The following RIMBP2 variants were observed in gnomAD, a reference collection of about 807,000 sequenced individuals.
The protein encoded by RIMBP2 is RIMS binding protein 2.
In RIMBP2, 48 loss-of-function variants were observed where a neutral mutation model predicts 118.6. That is an observed-to-expected ratio of 0.40 (90% confidence interval 0.32 to 0.51). The LOEUF is 0.51. Ranked by LOEUF, RIMBP2 falls within the 20% of genes least tolerant of loss-of-function variation. The pLI is 0.41. For missense variants in RIMBP2, 1,551 were observed against 1,768.3 expected, an observed-to-expected ratio of 0.88 and a Z score of 2.20; for synonymous variants, 762 against 742.9, an observed-to-expected ratio of 1.03 and a Z score of -0.42.
chr12:130,501,362 T>C (rs1310709059), intron 4 of RIMBP2, among the ~76,000 whole-genome samples: 1 of 152,156 alleles, frequency 6.6e-6, no homozygotes, highest in Non-Finnish European at 1.5e-5. Context: ...TCAATTCCAG[T>C]GGCATCTGAC....
intron 14 of RIMBP2, 166 bp from the exon 15 acceptor site, chr12:130,428,503 G>A: frequency 1.6e-6 from 1 of 618,226 alleles, no homozygotes; most frequent in South Asian, 2.4e-5. Flanking sequence ...TGAGGCTGGA[G>A]AGAGGACACA....
rs774580727 is a variant in RIMBP2 at position 130,442,536 on chromosome 12, G to A, written c.816C>T (p.Ser272=). 6.8e-5 allele frequency: 109 copies of A among 1,614,058 alleles called. No individual in the cohort carries two copies. Among genetic ancestry groups the A allele is most frequent in the African/African-American group, 8.0e-5 (6 of 74,916 alleles). The change falls in exon 11 of 23, where the codon TCC becomes TCT. Residue 272 remains serine, a synonymous_variant. Transcript: ENST00000690449. The surrounding 1 kb of genome is among the most constrained non-coding windows in gnomAD (Gnocchi z 6.9). ...TGTGCTCTCCCTCCAGGCCGATGCCGGAATGGTTGATGAAGTTCTGATCCT... is the reference window on the plus strand; with the variant it reads ...TGTGCTCTCCCTCCAGGCCGATGCCAGAATGGTTGATGAAGTTCTGATCCT... ...NEQDQNFINH[S]GIGLEGEHIL...
intron 17 of RIMBP2, among the ~76,000 whole-genome samples, chr12:130,415,016 A>C (rs1565997120): frequency 6.6e-6 from 1 of 152,170 alleles, no homozygotes. Flanking sequence ...CTATTCCAAA[A>C]AATTGAGGAG....
At chr12:130,604,995 A>T (rs559157516) in intron 2 of RIMBP2, among the ~76,000 whole-genome samples, 2 of 152,058 alleles carry the variant, frequency 1.3e-5, no homozygotes, top group Non-Finnish European at 2.9e-5. Flanking sequence ...AGTCCAGTAC[A>T]GTCACATCCT....
At chr12:130,454,899 C>G (rs867994453) in intron 7 of RIMBP2, among the ~76,000 whole-genome samples, 1 of 152,216 alleles carries the variant, frequency 6.6e-6, no homozygotes, top group Non-Finnish European at 1.5e-5. Context: ...TGGCTAGTGT[C>G]TGGAACTCAG....
chr12:130,497,301 C>T (rs947251061), intron 4 of RIMBP2, among the ~76,000 whole-genome samples: 3 of 152,228 alleles, frequency 2.0e-5, no homozygotes, highest in South Asian at 2.1e-4. Context: ...AAGCTTCTCA[C>T]CTGCCTTCTG....
Position 130,492,539 on chromosome 12 carries a change from G to T in RIMBP2, c.-3-13523C>A, listed in dbSNP as rs77495753. 5.1e-3 allele frequency among the ~76,000 whole-genome samples: 779 copies of T among 152,304 alleles called. 11 individuals carry two copies. The highest frequency in any genetic ancestry group is 0.018 in the African/African-American group (740 of 41,572). On this transcript the variant is annotated intron_variant, in intron 4 of 22. Transcript: ENST00000690449. ...TCCTCTGGCCCTGATGAATCCTAGA[G>T]ATGCAGGGGTGGCAACATTCATCCA...
chr12:130,449,160 G>A (rs2078784378), intron 9 of RIMBP2, among the ~76,000 whole-genome samples: 1 of 152,234 alleles, frequency 6.6e-6, no homozygotes, highest in Admixed American at 6.5e-5. Flanking sequence ...AGCTGTTGGA[G>A]CATCTGTGAG....
At chr12:130,479,103 C>A in intron 4 of RIMBP2, 87 bp from the exon 5 acceptor site, 1 of 1,086,718 alleles carries the variant, frequency 9.2e-7, no homozygotes, top group Admixed American at 2.4e-5. Flanking sequence ...CTGGCTCTGA[C>A]TCAGCCCGGT....
intron 6 of RIMBP2, among the ~76,000 whole-genome samples, chr12:130,456,917 G>A (rs181013555): frequency 4.8e-4 from 73 of 152,278 alleles, no homozygotes; most frequent in African/African-American, 1.7e-3. Context: ...AGCAGGGGCC[G>A]CCTCCCACTT....
intron 1 of RIMBP2, among the ~76,000 whole-genome samples, chr12:130,651,220 C>A (rs1230997488): frequency 6.6e-6 from 1 of 152,122 alleles, no homozygotes; most frequent in Admixed American, 6.5e-5. Context: ...TTTTATTCTG[C>A]AGGGCACTCA....
chr12:130,664,204 TA>T (rs759766798), intron 1 of RIMBP2, among the ~76,000 whole-genome samples: 1 of 151,768 alleles, frequency 6.6e-6, no homozygotes, highest in Non-Finnish European at 1.5e-5. Context: ...GTATGTTGCC[TA>T]AAATAGAATC....
intron 1 of RIMBP2, among the ~76,000 whole-genome samples, chr12:130,666,277 G>T (rs925141358): frequency 6.6e-6 from 1 of 152,196 alleles, no homozygotes; most frequent in African/African-American, 2.4e-5. Context: ...TGCAAGAAGA[G>T]AGAGTCTAAA....
chr12:130,551,466 C>A (rs1013539962), intron 2 of RIMBP2, among the ~76,000 whole-genome samples: 1 of 152,046 alleles, frequency 6.6e-6, no homozygotes, highest in African/African-American at 2.4e-5. Context: ...AAATGTTAAT[C>A]TAAAAAAAAT....
chr12:130,573,756 A>G (rs2057879981), intron 2 of RIMBP2, among the ~76,000 whole-genome samples: 2 of 152,200 alleles, frequency 1.3e-5, no homozygotes, highest in South Asian at 4.1e-4. Flanking sequence ...CCAAGTCAGC[A>G]TGACACAGCC....
Position 130,576,635 on chromosome 12 carries a change from G to C in RIMBP2, c.-217+51687C>G, listed in dbSNP as rs2058100454. ...AGCCTCCCTGGGTCTGGAAAATGGA[G>C]AGATGAGGATGAAGCACGAGCTGGC... On this transcript the variant is annotated intron_variant, in intron 2 of 22. Coordinates refer to ENST00000690449, the MANE Select transcript of RIMBP2 (RefSeq NM_001393629.1). The surrounding 1 kb of genome is among the most constrained non-coding windows in gnomAD (Gnocchi z 4.2). Among the ~76,000 whole-genome samples, 1 of 152,226 alleles carries C rather than the reference G, an allele frequency of 6.6e-6. No individual in the cohort carries two copies. Among genetic ancestry groups the C allele is most frequent in the Admixed American group, 6.5e-5 (1 of 15,292 alleles).
At chr12:130,534,616 CCTT>C (rs748526414) in intron 2 of RIMBP2, among the ~76,000 whole-genome samples, 3 of 152,228 alleles carry the variant, frequency 2.0e-5, no homozygotes, top group Non-Finnish European at 4.4e-5. Flanking sequence ...TGCTGTCAAT[CCTT>C]CTCTATGGAA....
At chr12:130,607,567 T>C (rs1342133501) in intron 2 of RIMBP2, among the ~76,000 whole-genome samples, 1 of 151,976 alleles carries the variant, frequency 6.6e-6, no homozygotes, top group Non-Finnish European at 1.5e-5. Context: ...TCATCTCCTG[T>C]GAGTTTCTCA....
intron 2 of RIMBP2, among the ~76,000 whole-genome samples, chr12:130,557,155 C>T (rs893456524): frequency 5.9e-5 from 9 of 152,168 alleles, no homozygotes; most frequent in Middle Eastern, 3.4e-3. Context: ...GAGCTGCACA[C>T]GGGAAGAATG....
Sources: allele counts gnomAD v4.1 joint callset (sites outside exome capture counted in the v4.1 genomes callset), GRCh38; gene constraint gnomAD v4.1.1; non-coding constraint Gnocchi (gnomAD v3.1); transcripts MANE v1.5; gene names NCBI Gene and HGNC (gene_info 2026-07-23, HGNC 2026-07-21).